GALNT13: variants seen among roughly 807,000 people sequenced by gnomAD.
GALNT13 encodes polypeptide N-acetylgalactosaminyltransferase 13.
In GALNT13, 28 loss-of-function variants were observed where a neutral mutation model predicts 64.2. That is an observed-to-expected ratio of 0.44 (90% CI 0.32 to 0.60). GALNT13 has a LOEUF of 0.60. GALNT13 is among the 20% of genes least tolerant of loss of function. The pLI, the probability that GALNT13 is intolerant of heterozygous loss-of-function variation, is 0.05. For synonymous variants in GALNT13, 214 were observed against 224.6 expected (o/e 0.95, Z 0.42); for missense variants, 577 against 669.8 (o/e 0.86, Z 1.53).
chr2:153,944,994 A>G (rs1162934964), intron 3 of GALNT13, among the ~76,000 whole-genome samples: 2 of 152,190 alleles, frequency 1.3e-5, no homozygotes, highest in African/African-American at 4.8e-5. Flanking sequence ...CACATAACAT[A>G]AAACGGAAAA....
At chr2:153,665,242 A>G in the GALNT13 span, among the ~76,000 whole-genome samples, 2 of 152,224 alleles carry the variant, frequency 1.3e-5, no homozygotes, top group African/African-American at 4.8e-5. Context: ...GTCAAGAAAC[A>G]ATAACAACCC....
At chr2:154,150,951 T>G (rs2105620687) in intron 4 of GALNT13, among the ~76,000 whole-genome samples, 1 of 152,312 alleles carries the variant, frequency 6.6e-6, no homozygotes, top group South Asian at 2.1e-4. Flanking sequence ...CTGATTTTAG[T>G]TATTACTTGC....
chr2:154,396,473 T>G (rs559517770), intron 10 of GALNT13, among the ~76,000 whole-genome samples: 1 of 152,344 alleles, frequency 6.6e-6, no homozygotes, highest in Non-Finnish European at 1.5e-5. Flanking sequence ...ACTGAGAACT[T>G]TAAAACCCAT....
the GALNT13 span, among the ~76,000 whole-genome samples, chr2:153,231,052 C>T: frequency 1.3e-5 from 2 of 152,294 alleles, no homozygotes; most frequent in East Asian, 3.9e-4. Flanking sequence ...TGCTCCTCCA[C>T]TATTTTGCAT....
At chr2:153,443,621 G>C in the GALNT13 span, among the ~76,000 whole-genome samples, 3 of 152,092 alleles carry the variant, frequency 2.0e-5, no homozygotes, top group Non-Finnish European at 4.4e-5. Flanking sequence ...TAGGATCTCT[G>C]CTTGAAAGTC....
chr2:153,403,750 G>C, the GALNT13 span, among the ~76,000 whole-genome samples: 115 of 152,260 alleles, frequency 7.6e-4, no homozygotes, highest in Middle Eastern at 3.4e-3. Flanking sequence ...GACCCCTTGC[G>C]CTTCCCAAGT....
At chr2:153,255,875 C>T in the GALNT13 span, among the ~76,000 whole-genome samples, 1 of 152,286 alleles carries the variant, frequency 6.6e-6, no homozygotes. Context: ...GGTAACTTCA[C>T]CTTTCTCTCT....
intron 3 of GALNT13, among the ~76,000 whole-genome samples, chr2:153,950,871 G>A (rs1053477886): frequency 4.6e-5 from 7 of 151,884 alleles, no homozygotes; most frequent in East Asian, 1.9e-4. Flanking sequence ...CCTGAGCATC[G>A]CACAATATAT....
intron 4 of GALNT13, among the ~76,000 whole-genome samples, chr2:154,185,479 G>C (rs891751462): frequency 6.6e-6 from 1 of 151,676 alleles, no homozygotes; most frequent in South Asian, 2.1e-4. Flanking sequence ...GATTCTCATA[G>C]TATACATATT....
the GALNT13 span, among the ~76,000 whole-genome samples, chr2:153,509,533 A>G: frequency 1.3e-5 from 2 of 152,264 alleles, no homozygotes; most frequent in Admixed American, 6.5e-5. Context: ...AAAACCCTAG[A>G]TGAAATGTTT....
At chr2:154,271,327 G>A (rs1174275845) in intron 8 of GALNT13, among the ~76,000 whole-genome samples, 1 of 152,000 alleles carries the variant, frequency 6.6e-6, no homozygotes, top group Non-Finnish European at 1.5e-5. Context: ...ATGCTAGCTT[G>A]TAACAGCTGT....
At chr2:153,477,535 A>G in the GALNT13 span, 3 of 152,332 alleles carry the variant, frequency 2.0e-5, no homozygotes, top group Non-Finnish European at 4.4e-5. Flanking sequence ...GAAATGCACT[A>G]AAAGAAACAA....
the GALNT13 span, among the ~76,000 whole-genome samples, chr2:153,397,385 A>G: frequency 6.6e-6 from 1 of 152,112 alleles, no homozygotes; most frequent in African/African-American, 2.4e-5. Context: ...GACCATGGGA[A>G]GAACCACTAT....
chr2:154,382,522 A>G (rs1411168607), intron 9 of GALNT13, among the ~76,000 whole-genome samples: 1 of 152,082 alleles, frequency 6.6e-6, no homozygotes, highest in Non-Finnish European at 1.5e-5. Context: ...TAAATACTGC[A>G]TGGGAAACCC....
At chr2:153,924,876 C>T (rs1014897121) in intron 2 of GALNT13, among the ~76,000 whole-genome samples, 3 of 152,024 alleles carry the variant, frequency 2.0e-5, no homozygotes, top group African/African-American at 7.3e-5. Context: ...AGTGTCTGCT[C>T]ATGTCCTTTG....
Position 154,074,458 on chromosome 2 carries a change from G to C in GALNT13, c.143-65879G>C, listed in dbSNP as rs140935350. ...GTTTTCTTTTCACACAACTTGTTGA[G>C]GTAGATACTATTACCATAATTTTGT... On this transcript the variant is annotated intron_variant, in intron 3 of 12. Coordinates refer to ENST00000392825, the MANE Select transcript of GALNT13 (RefSeq NM_052917.4). Among the ~76,000 whole-genome samples the C allele has an allele frequency of 4.1e-4, 62 of 151,946 alleles. No individual in the cohort carries two copies. In the East Asian group the frequency reaches 0.011, roughly 26 times the overall value.
chr2:153,244,580 A>G, the GALNT13 span, among the ~76,000 whole-genome samples: 1 of 152,218 alleles, frequency 6.6e-6, no homozygotes, highest in Non-Finnish European at 1.5e-5. Flanking sequence ...GGAAGCCATG[A>G]AGGACTGTGC....
At chr2:153,633,830 C>G in the GALNT13 span, among the ~76,000 whole-genome samples, 1 of 152,110 alleles carries the variant, frequency 6.6e-6, no homozygotes. Flanking sequence ...CATAGCAAAA[C>G]ATTTATAGTA....
the GALNT13 span, among the ~76,000 whole-genome samples, chr2:153,082,671 ATAATT>A: frequency 1.8e-4 from 24 of 135,266 alleles, 1 homozygote; most frequent in African/African-American, 6.7e-4. Flanking sequence ...ACACATATAT[ATAATT>A]TATTAAATAA....
Sources: gnomAD v4.1 joint callset for allele counts (sites outside exome capture counted in the v4.1 genomes callset) on GRCh38, gnomAD v4.1.1 for gene constraint, MANE v1.5 for transcripts, NCBI Gene and HGNC (gene_info 2026-07-23, HGNC 2026-07-21) for gene names.